CCL20: variants seen among roughly 807,000 people sequenced by gnomAD.
CCL20 encodes the protein C-C motif chemokine ligand 20, also known as C-C motif chemokine 20.
Under a neutral mutation model 10.8 loss-of-function variants are expected in CCL20, and 8 were observed. The ratio of observed to expected loss-of-function variants is 0.74; its 90% confidence interval spans 0.44 to 1.34. CCL20 has a LOEUF of 1.34. Among genes scored for constraint, CCL20 ranks in the 40% most tolerant of loss-of-function variants. The pLI, the probability that CCL20 is intolerant of heterozygous loss-of-function variation, is 0.01. For synonymous variants in CCL20, 40 were observed against 39.4 expected, an observed-to-expected ratio of 1.02 and a Z score of -0.06; for missense variants, 107 against 117.9, an observed-to-expected ratio of 0.91 and a Z score of 0.43.
Position 227,815,573 on chromosome 2 carries a change from G to A in CCL20, c.191+5G>A. 6.9e-7 allele frequency: 1 copy of A among 1,455,826 alleles called. No individual in the cohort carries two copies. The allele number at this position is 1,455,826 out of a possible 1,614,324, so 90.2% of individuals were successfully genotyped here. A position where few individuals can be genotyped will look rare whatever the true frequency, so the allele number is the denominator to read the frequency against. On this transcript the variant is annotated splice_donor_5th_base_variant and intron_variant, in intron 2 of 3. Coordinates refer to ENST00000358813, the MANE Select transcript of CCL20 (RefSeq NM_004591.3). The stretch of plus-strand genomic sequence containing the variant: ...CTGTGACATCAATGCTATCATGTAA[G>A]TTATTAATTGATTTTAATTCAGTTG...
intron 3 of CCL20, 133 bp from the exon 4 acceptor site, chr2:227,816,929 A>G: frequency 1.4e-6 from 1 of 694,084 alleles, no homozygotes; most frequent in Non-Finnish European, 2.6e-6. Context: ...CAATTTCCTC[A>G]TCTGAACTCT....
rs960763761 is a variant in CCL20 at position 227,816,266 on chromosome 2, A to T, written c.192-41A>T. 11 of 1,191,122 alleles carry T rather than the reference A, an allele frequency of 9.2e-6. 1 individual carries two copies. The highest frequency in any genetic ancestry group is 1.3e-5 in the Non-Finnish European group (10 of 798,250). The allele number at this position is 1,191,122 out of a possible 1,614,324, so 73.8% of individuals were successfully genotyped here. On this transcript the variant is annotated intron_variant, in intron 2 of 3. Coordinates refer to ENST00000358813, the MANE Select transcript of CCL20 (RefSeq NM_004591.3). Reference sequence around the variant, plus strand: ...TGTATGTTCTATGAAAAACCCATTGAAAAGCTCATTAAACACAAATCAAAT... The same window carrying T: ...TGTATGTTCTATGAAAAACCCATTGTAAAGCTCATTAAACACAAATCAAAT...
At chr2:227,816,433 G>C (rs745460842) in intron 3 of CCL20, 49 bp downstream of exon 3, 2 of 1,032,698 alleles carry the variant, frequency 1.9e-6, no homozygotes, top group Non-Finnish European at 3.0e-6. Flanking sequence ...GGAAAGAGGA[G>C]TGTGCAAAGG....
chr2:227,814,570 A>C (rs546197621), intron 1 of CCL20, among the ~76,000 whole-genome samples: 2 of 129,482 alleles, frequency 1.5e-5, no homozygotes, highest in South Asian at 5.6e-4. Context: ...TGCATTCCTA[A>C]AAATGCACAT....
chr2:227,817,052 C>A lies in CCL20; in HGVS notation c.270-10C>A, dbSNP rs1396299644. The A allele has an allele frequency of 3.7e-6, 6 of 1,601,124 alleles. No individual in the cohort carries two copies. In the South Asian group the frequency reaches 6.6e-5, roughly 18 times the overall value. ...CATTACTTACACTTTTCTTCTTTTT[C>A]ATTTTACAGTAAAAAAGTCAAGAAC... On this transcript the variant is annotated splice_polypyrimidine_tract_variant and intron_variant, in intron 3 of 3. Transcript: ENST00000358813.
intron 2 of CCL20, chr2:227,815,808 G>C: frequency 2.7e-6 from 1 of 368,964 alleles, no homozygotes; most frequent in African/African-American, 2.1e-5. Flanking sequence ...ATTTTTTTTG[G>C]TCAAACGGAA....
chr2:227,814,722 C>T (rs547845642), intron 1 of CCL20, among the ~76,000 whole-genome samples: 121 of 151,956 alleles, frequency 8.0e-4, no homozygotes, highest in African/African-American at 2.7e-3. Flanking sequence ...ACAGGGACCA[C>T]GGCCGTGTGC....
chr2:227,814,005 C>A lies in CCL20; in HGVS notation c.76+18C>A, dbSNP rs751865352. 3 of 1,603,724 alleles carry A rather than the reference C, an allele frequency of 1.9e-6. No individual in the cohort carries two copies. Among genetic ancestry groups the A allele is most frequent in the African/African-American group, 2.7e-5 (2 of 74,596 alleles). ...ATCAGAAGGTAAGTGTCGCTCTTTCCGCTAGCACAGAAGAAAGACTATTTT... is the reference window on the plus strand; with the variant it reads ...ATCAGAAGGTAAGTGTCGCTCTTTCAGCTAGCACAGAAGAAAGACTATTTT... On this transcript the variant is annotated intron_variant, in intron 1 of 3. Coordinates refer to ENST00000358813, the MANE Select transcript of CCL20 (RefSeq NM_004591.3).
intron 1 of CCL20, among the ~76,000 whole-genome samples, chr2:227,814,757 A>AT (rs112995464): frequency 0.014 from 1,996 of 139,414 alleles, 23 homozygotes; most frequent in Non-Finnish European, 0.018. Flanking sequence ...ATTTTTTTAC[A>AT]TTTTTTTTTT....
chr2:227,815,888 A>G (rs1690018492), intron 2 of CCL20: 1 of 252,832 alleles, frequency 4.0e-6, no homozygotes, highest in African/African-American at 2.3e-5. Flanking sequence ...GAAGATACAC[A>G]TTTCGAAATG....
At chr2:227,815,242 T>G (rs1024627217) in intron 1 of CCL20, 3 of 376,766 alleles carry the variant, frequency 8.0e-6, no homozygotes, top group Non-Finnish European at 1.4e-5. Context: ...GCACACAAAC[T>G]GTTTTTTCAA....
At chr2:227,816,968 A>T in intron 3 of CCL20, 94 bp from the exon 4 acceptor site, 1 of 889,086 alleles carries the variant, frequency 1.1e-6, no homozygotes, top group South Asian at 1.4e-5. Context: ...AGTTGAGATT[A>T]AGGGCAGGTG....
At position 227,813,873 on chromosome 2, in the gene CCL20, A is replaced by T; in HGVS notation, c.-39A>T. On this transcript the variant is annotated 5_prime_UTR_variant, in exon 1 of 4. Transcript: ENST00000358813. ...TAACAGCACTCCCAAAGAACTGGGT[A>T]CTCAACACTGAGCAGATCTGTTCTT... The T allele has an allele frequency of 6.7e-7, 1 of 1,496,688 alleles. No homozygotes were observed. Among genetic ancestry groups the T allele is most frequent in the Non-Finnish European group, 9.3e-7 (1 of 1,073,046 alleles). 92.7% of individuals were successfully genotyped at this position (1,496,688 alleles called of 1,614,324 possible). A position where few individuals can be genotyped will look rare whatever the true frequency, so the allele number is the denominator to read the frequency against.
At chr2:227,815,877 G>A (rs1690018328) in intron 2 of CCL20, 3 of 255,254 alleles carry the variant, frequency 1.2e-5, no homozygotes, top group African/African-American at 2.2e-5. Flanking sequence ...AGGAAAATAG[G>A]GAAGATACAC....
intron 3 of CCL20, 117 bp from the exon 4 acceptor site, chr2:227,816,945 G>C: frequency 1.3e-6 from 1 of 759,142 alleles, no homozygotes; most frequent in South Asian, 1.6e-5. Flanking sequence ...ACTCTGAGCT[G>C]CTTGACATAC....
intron 1 of CCL20, among the ~76,000 whole-genome samples, chr2:227,814,925 C>T (rs1160600618): frequency 1.3e-5 from 2 of 152,052 alleles, no homozygotes; most frequent in African/African-American, 4.8e-5. Flanking sequence ...ATTAAACATT[C>T]CTATTAATTA....
At position 227,815,621 on chromosome 2, in the gene CCL20, C is replaced by G. The variant is rs3138114; in HGVS notation, c.191+53C>G. ...TTGTATCAGGAATACCTAGAAACTT[C>G]AGTTTTAAAAATGTTTGCCTTTTTA... is the stretch of plus-strand genomic sequence containing the variant. On this transcript the variant is annotated intron_variant, in intron 2 of 3. Transcript: ENST00000358813. 21,503 of 1,002,576 alleles carry G rather than the reference C, an allele frequency of 0.021. 3,045 individuals are homozygous for G. In the African/African-American group the frequency reaches 0.31, roughly 14 times the overall value. The allele number at this position is 1,002,576 out of a possible 1,614,324, so 62.1% of individuals were successfully genotyped here.
At chr2:227,815,985 G>A (rs1454725746) in intron 2 of CCL20, 2 of 272,610 alleles carry the variant, frequency 7.3e-6, no homozygotes, top group South Asian at 1.5e-4. Context: ...GATTTATATA[G>A]GATATTATAT....
intron 1 of CCL20, chr2:227,815,252 A>T (rs966345275): frequency 2.6e-6 from 1 of 386,276 alleles, no homozygotes; most frequent in African/African-American, 2.1e-5. Context: ...TGTTTTTTCA[A>T]AGAACTGTAA....
Sources: gnomAD v4.1 joint callset for allele counts (sites outside exome capture counted in the v4.1 genomes callset) on GRCh38, gnomAD v4.1.1 for gene constraint, MANE v1.5 for transcripts, NCBI Gene and HGNC (gene_info 2026-07-23, HGNC 2026-07-21) for gene names.